NLRP9: variants seen among roughly 807,000 people sequenced by gnomAD.
NLRP9 encodes NACHT, LRR and PYD domains-containing protein 9.
NLRP9 carries 88 observed loss-of-function variants against 83.1 expected under a neutral mutation model. The observed-to-expected ratio is 1.06, with a 90% CI of 0.89 to 1.26. NLRP9 has a LOEUF of 1.26. NLRP9 is among the 50% of genes most tolerant of loss of function. NLRP9 has a pLI of 0.00. For missense variants in NLRP9, 1,308 were observed against 1,179.3 expected, an observed-to-expected ratio of 1.11 and a Z score of -1.60; for synonymous variants, 521 against 447.6, an observed-to-expected ratio of 1.16 and a Z score of -2.07.
At chr19:55,719,405 G>A (rs371968787) in intron 4 of NLRP9, among the ~76,000 whole-genome samples, 220 of 152,234 alleles carry the variant, frequency 1.4e-3, no homozygotes, top group East Asian at 7.7e-3. Flanking sequence ...TGCCCGCCTC[G>A]GCCTCCCAGA....
intron 8 of NLRP9, 60 bp downstream of exon 8, chr19:55,711,740 G>T: frequency 6.5e-7 from 1 of 1,533,076 alleles, no homozygotes; most frequent in Non-Finnish European, 9.0e-7. Context: ...TTGAGCAAAT[G>T]GCCAATGAAC....
Position 55,720,428 on chromosome 19 carries a change from A to G in NLRP9, c.2160-3530T>C, listed in dbSNP as rs1444715260. On this transcript the variant is annotated intron_variant, in intron 4 of 8. Coordinates refer to ENST00000332836, the MANE Select transcript of NLRP9 (RefSeq NM_176820.4). ...GCAACCTTGGACCTTTGGGCTCAAG[A>G]GATCCTCCTGCATCAGCCTGATGAG... Among the ~76,000 whole-genome samples the G allele has an allele frequency of 3.3e-5, 5 of 152,288 alleles. No individual in the cohort carries two copies. The East Asian group carries it at 9.7e-4, about 29-fold the overall frequency.
At position 55,724,050 on chromosome 19, in the gene NLRP9, G is replaced by C. The variant is rs202130897; in HGVS notation, c.2089C>G (p.Leu697Val). The change falls in exon 4 of 9, where the codon CTC becomes GTC. Residue 697 changes from leucine (L) to valine (V), a missense_variant. By Grantham distance (32) the Leu-to-Val change is conservative. Transcript: ENST00000332836. ...AGGTGTCTGATGTCAGACTGGGAGA[G>C]GCTAGTGCCGTACAGGCTCAGAAGT... is the stretch of plus-strand genomic sequence containing the variant. ...LKLLSLYGTS[L>V]SQSDIRHLCE... is the part of the protein sequence containing the mutation. The C allele has an allele frequency of 1.9e-6, 3 of 1,613,658 alleles. No individual in the cohort carries two copies. Among genetic ancestry groups the C allele is most frequent in the African/African-American group, 2.7e-5 (2 of 74,902 alleles).
Position 55,729,985 on chromosome 19 carries a change from C to T in NLRP9, c.1840G>A (p.Glu614Lys), listed in dbSNP as rs1162961290. 1.2e-5 allele frequency: 19 copies of T among 1,612,434 alleles called. No homozygotes were observed. Among genetic ancestry groups the T allele is most frequent in the Non-Finnish European group, 1.5e-5 (18 of 1,179,284 alleles). ...DDSGCISDYN[E>K]KLVYWRELCS... is the part of the protein sequence containing the mutation. ...AGCTCCCGCCAGTAGACGAGCTTCT[C>T]ATTGTAACTATGAGAGAACAAAGAT... The change falls in exon 3 of 9, where the codon GAG (glutamate) becomes AAG (lysine). Residue 614 changes from glutamate (E) to lysine (K), a missense_variant. Glu to Lys is a moderately conservative substitution (Grantham distance 56, BLOSUM62 1). Coordinates refer to ENST00000332836, the MANE Select transcript of NLRP9 (RefSeq NM_176820.4).
At chr19:55,737,997 T>C (rs1988829992) in intron 1 of NLRP9, 98 bp downstream of exon 1, 1 of 1,148,192 alleles carries the variant, frequency 8.7e-7, no homozygotes, top group Admixed American at 1.8e-5. Context: ...CCCACACACA[T>C]TCTCATCTGA....
At chr19:55,723,643 G>A (rs1414194509) in intron 4 of NLRP9, among the ~76,000 whole-genome samples, 1 of 149,610 alleles carries the variant, frequency 6.7e-6, no homozygotes, top group Non-Finnish European at 1.5e-5. Context: ...TGGGAGGATT[G>A]CTTGAACCCG....
intron 1 of NLRP9, among the ~76,000 whole-genome samples, chr19:55,734,983 G>T (rs1988747609): frequency 6.6e-6 from 1 of 152,096 alleles, no homozygotes; most frequent in East Asian, 1.9e-4. Flanking sequence ...GATGAGAAAT[G>T]GGGAAGGGAG....
intron 2 of NLRP9, among the ~76,000 whole-genome samples, chr19:55,731,555 C>T (rs778372866): frequency 4.0e-5 from 6 of 151,482 alleles, no homozygotes; most frequent in Middle Eastern, 3.2e-3. Flanking sequence ...GAAACCCTGT[C>T]TCTACCAAAA....
At chr19:55,709,083 AT>A (rs745987672) in intron 8 of NLRP9, 39 bp from the exon 9 acceptor site, 2 of 1,498,288 alleles carry the variant, frequency 1.3e-6, no homozygotes, top group Admixed American at 2.4e-5. Context: ...TTTGTTTTTC[AT>A]TTTTACACAG....
intron 6 of NLRP9, among the ~76,000 whole-genome samples, chr19:55,713,551 G>A (rs953731442): frequency 7.9e-5 from 10 of 126,262 alleles, no homozygotes; most frequent in Non-Finnish European, 1.3e-4. Context: ...ACCACGCCAG[G>A]AGAGAAAGTG....
At chr19:55,715,385 T>A (rs767750431) in intron 5 of NLRP9, among the ~76,000 whole-genome samples, 160 bp from the exon 6 acceptor site, 1 of 152,138 alleles carries the variant, frequency 6.6e-6, no homozygotes, top group Non-Finnish European at 1.5e-5. Flanking sequence ...AACTCTGCTG[T>A]CACTCAAGAA....
intron 6 of NLRP9, among the ~76,000 whole-genome samples, chr19:55,714,515 C>T (rs1283562615): frequency 6.6e-6 from 1 of 152,090 alleles, no homozygotes; most frequent in African/African-American, 2.4e-5. Flanking sequence ...GAGTCCCCTG[C>T]TGTGTCCTTA....
intron 7 of NLRP9, 61 bp downstream of exon 7, chr19:55,712,359 C>T (rs1045421256): frequency 2.3e-5 from 33 of 1,418,102 alleles, no homozygotes; most frequent in Non-Finnish European, 3.2e-5. Context: ...ATTGACCCTC[C>T]AGCAATTCCT....
chr19:55,735,410 A>G (rs1017790447), intron 1 of NLRP9, among the ~76,000 whole-genome samples: 1 of 152,158 alleles, frequency 6.6e-6, no homozygotes, highest in Non-Finnish European at 1.5e-5. Flanking sequence ...CAACATAGTG[A>G]GACTCCATCT....
intron 8 of NLRP9, 123 bp downstream of exon 8, chr19:55,711,677 G>A (rs1987732510): frequency 1.0e-6 from 1 of 976,430 alleles, no homozygotes; most frequent in Non-Finnish European, 1.6e-6. Context: ...AGGGGCCCAA[G>A]GACAGGCCCC....
At chr19:55,735,250 G>A (rs1988754310) in intron 1 of NLRP9, among the ~76,000 whole-genome samples, 1 of 152,140 alleles carries the variant, frequency 6.6e-6, no homozygotes, top group Non-Finnish European at 1.5e-5. Flanking sequence ...TCTGAGCAGT[G>A]ACTGACTTTG....
chr19:55,738,230 T>C lies in NLRP9; in HGVS notation c.145A>G (p.Lys49Glu). 6.2e-7 allele frequency: 1 copy of C among 1,614,192 alleles called. No individual in the cohort carries two copies. The change falls in exon 1 of 9, where the codon AAG becomes GAG. Residue 49 changes from lysine (K) to glutamate (E), a missense_variant. Transcript: ENST00000332836. ...LKPIPWAELK[K>E]ASKEDVAKLL... ...TTTGCTACATCTTCTTTGGAGGCCT[T>C]CTTCAGCTCAGCCCAGGGGATTGGC...
At chr19:55,734,873 G>C (rs187014840) in intron 1 of NLRP9, among the ~76,000 whole-genome samples, 8 of 152,190 alleles carry the variant, frequency 5.3e-5, no homozygotes, top group African/African-American at 1.9e-4. Context: ...GACCTCAGGT[G>C]ATCTGCCCTC....
intron 4 of NLRP9, 137 bp from the exon 5 acceptor site, chr19:55,717,035 T>G: frequency 3.1e-6 from 1 of 322,810 alleles, no homozygotes; most frequent in Non-Finnish European, 5.4e-6. Flanking sequence ...CTCTTTTTCT[T>G]TTTTTTTTTT....
Sources: gnomAD v4.1 joint callset for allele counts (sites outside exome capture counted in the v4.1 genomes callset) on GRCh38, gnomAD v4.1.1 for gene constraint, MANE v1.5 for transcripts, NCBI Gene and HGNC (gene_info 2026-07-23, HGNC 2026-07-21) for gene names.